The following ART3 variants were observed in gnomAD, a reference collection of about 807,000 sequenced individuals.
ART3 encodes ecto-ADP-ribosyltransferase 3.
Under a neutral mutation model 48.5 loss-of-function variants are expected in ART3, and 49 were observed. That is an observed-to-expected ratio of 1.01 (90% CI 0.80 to 1.28). The LOEUF (loss-of-function observed/expected upper bound fraction) is 1.28. Among genes scored for constraint, ART3 ranks in the 50% most tolerant of loss-of-function variants. ART3 has a pLI of 0.00. For synonymous variants in ART3, 145 were observed against 157.2 expected, an observed-to-expected ratio of 0.92 and a Z score of 0.58; for missense variants, 438 against 454.3, an observed-to-expected ratio of 0.96 and a Z score of 0.33.
chr4:76,041,555 G>T (rs1004655542), intron 1 of ART3: 1 of 152,008 alleles, frequency 6.6e-6, no homozygotes, highest in Non-Finnish European at 1.5e-5. Context: ...GCCACATTTA[G>T]AAAGTAAAAA....
upstream of ART3, among the ~76,000 whole-genome samples, chr4:76,073,124 A>G (rs1300636701): frequency 2.0e-5 from 3 of 152,224 alleles, no homozygotes; most frequent in Admixed American, 1.3e-4. Flanking sequence ...AAGGCAAGAT[A>G]TTTATCCATT....
At chr4:76,098,888 AAT>A (rs1726627692) in intron 4 of ART3, 65 bp from the exon 5 acceptor site, 1 of 1,342,434 alleles carries the variant, frequency 7.4e-7, no homozygotes, top group Non-Finnish European at 1.0e-6. Context: ...AACATTTAAA[AAT>A]AGACTGATCC....
chr4:76,064,670 A>T (rs532310648), intron 1 of ART3, among the ~76,000 whole-genome samples: 1 of 152,306 alleles, frequency 6.6e-6, no homozygotes, highest in South Asian at 2.1e-4. Flanking sequence ...CTGGGAGGTG[A>T]AAGGCAGAAA....
chr4:76,043,999 G>A (rs1350041710), intron 1 of ART3, among the ~76,000 whole-genome samples: 7 of 151,998 alleles, frequency 4.6e-5, no homozygotes, highest in African/African-American at 1.7e-4. Flanking sequence ...GGAAGTGCCA[G>A]CGGGTTGGTC....
intron 8 of ART3, among the ~76,000 whole-genome samples, chr4:76,103,717 T>A (rs1727839595): frequency 6.6e-6 from 1 of 152,126 alleles, no homozygotes; most frequent in South Asian, 2.1e-4. Flanking sequence ...ACGGGTTAGA[T>A]CGTGGAAGTT....
chr4:76,037,462 T>C (rs1425340612), intron 1 of ART3, among the ~76,000 whole-genome samples: 1 of 152,176 alleles, frequency 6.6e-6, no homozygotes. Context: ...ATTTAACTTT[T>C]TGAAGCCATT....
chr4:76,092,079 G>A (rs936258299), intron 3 of ART3, among the ~76,000 whole-genome samples: 1 of 152,102 alleles, frequency 6.6e-6, no homozygotes, highest in Admixed American at 6.6e-5. Flanking sequence ...TTGCAAAGTT[G>A]TTTTGGTGAT....
chr4:76,028,711 A>G (rs1342219381), intron 1 of ART3, among the ~76,000 whole-genome samples: 4 of 152,218 alleles, frequency 2.6e-5, no homozygotes. Context: ...CCGAGCTCAC[A>G]GTGTTTGGTA....
chr4:76,028,907 C>T (rs960712136), intron 1 of ART3, among the ~76,000 whole-genome samples: 8 of 152,062 alleles, frequency 5.3e-5, no homozygotes, highest in African/African-American at 7.2e-5. Context: ...TTTCTGAACT[C>T]GCGCACTTGA....
At chr4:76,049,582 A>G (rs975030575) in intron 1 of ART3, among the ~76,000 whole-genome samples, 2 of 151,926 alleles carry the variant, frequency 1.3e-5, no homozygotes, top group Admixed American at 1.3e-4. Context: ...CCATGTCTTT[A>G]GTCCGGCAGC....
intron 1 of ART3, among the ~76,000 whole-genome samples, chr4:76,012,577 T>C (rs1731905469): frequency 6.6e-6 from 1 of 152,220 alleles, no homozygotes; most frequent in Non-Finnish European, 1.5e-5. Context: ...AAGTTCTTCC[T>C]TTGCTAATCT....
intron 9 of ART3, 32 bp from the exon 10 acceptor site, chr4:76,104,565 T>A (rs1728055185): frequency 6.4e-7 from 1 of 1,551,540 alleles, no homozygotes; most frequent in Non-Finnish European, 8.7e-7. Flanking sequence ...TGGAGCAAAC[T>A]GTAAGTCATT....
At chr4:76,016,687 GC>G (rs969045883) in intron 1 of ART3, among the ~76,000 whole-genome samples, 6 of 152,194 alleles carry the variant, frequency 3.9e-5, no homozygotes. Context: ...CACCAGATGG[GC>G]CCAGAGATGC....
intron 1 of ART3, chr4:76,022,704 G>C: frequency 6.2e-7 from 1 of 1,613,708 alleles, no homozygotes; most frequent in Non-Finnish European, 8.5e-7. Context: ...ATCTCAACAC[G>C]TGGACAAAAT....
chr4:76,060,910 C>A (rs1719154242), intron 1 of ART3, among the ~76,000 whole-genome samples: 1 of 152,202 alleles, frequency 6.6e-6, no homozygotes, highest in African/African-American at 2.4e-5. Context: ...ATTCTGCTAA[C>A]AACCCGAATG....
At chr4:76,096,509 A>AT (rs1439454805) in intron 3 of ART3, among the ~76,000 whole-genome samples, 1 of 152,210 alleles carries the variant, frequency 6.6e-6, no homozygotes, top group Non-Finnish European at 1.5e-5. Context: ...GAACTTCCAG[A>AT]TTAGATTAGT....
chr4:76,100,888 G>A (rs1727151937), intron 7 of ART3, 64 bp downstream of exon 7: 1 of 1,599,848 alleles, frequency 6.3e-7, no homozygotes, highest in African/African-American at 1.4e-5. Context: ...TTACAGGTGG[G>A]AATATTTTCA....
At chr4:76,083,568 TTCCACCA>T (rs755260551) in intron 3 of ART3, among the ~76,000 whole-genome samples, 1 of 152,208 alleles carries the variant, frequency 6.6e-6, no homozygotes, top group Non-Finnish European at 1.5e-5. Flanking sequence ...TTTCTTTCTG[TTCCACCA>T]TCCTTACCAT....
chr4:76,106,381 G>C, intron 10 of ART3: 3 of 984,314 alleles, frequency 3.0e-6, no homozygotes, highest in Non-Finnish European at 3.6e-6. Context: ...CGAAAAGGTG[G>C]CTTGCCAGTT....
Sources: gnomAD v4.1 joint callset for allele counts (sites outside exome capture counted in the v4.1 genomes callset) on GRCh38, gnomAD v4.1.1 for gene constraint, MANE v1.5 for transcripts, NCBI Gene and HGNC (gene_info 2026-07-23, HGNC 2026-07-21) for gene names.